Variants in TPD52 observed in about 807,000 individuals in gnomAD.
TPD52 encodes prostate and colon associated protein.
Under a neutral mutation model 31.3 loss-of-function variants are expected in TPD52, and 17 were observed. The ratio of observed to expected loss-of-function variants is 0.54; its 90% confidence interval spans 0.37 to 0.82. The LOEUF (loss-of-function observed/expected upper bound fraction) is 0.82, where lower values mean the gene tolerates loss of function less well. TPD52 is among the 40% of genes least tolerant of loss of function. TPD52 has a pLI of 0.00. For missense variants in TPD52, 212 were observed against 240.1 expected (o/e 0.88, Z 0.77); for synonymous variants, 83 against 89.6 (o/e 0.93, Z 0.42).
rs1036547783 is a variant in TPD52, at chr8:80,051,771, T to C, written c.285-143A>G. ...TTTTCAGAACTTCTAAAATCCTTCA[T>C]AACCAGCAGAGCGGCATCACCACAT... On this transcript the variant is annotated intron_variant, in intron 3 of 7. Coordinates refer to ENST00000518937, the MANE Select transcript of TPD52 (RefSeq NM_001025253.3). 5 of 649,280 alleles carry C rather than the reference T, an allele frequency of 7.7e-6. No homozygotes were observed. In the South Asian group the frequency reaches 1.1e-4, roughly 14 times the overall value. 40.2% of individuals were successfully genotyped at this position (649,280 alleles called of 1,614,324 possible).
intron 1 of TPD52, among the ~76,000 whole-genome samples, chr8:80,160,836 G>A: frequency 7.0e-6 from 1 of 142,694 alleles, no homozygotes; most frequent in Non-Finnish European, 1.5e-5. Flanking sequence ...CTGAGCTCAG[G>A]AGTTCGAGAC....
At chr8:80,114,112 G>A (rs759996226) in intron 1 of TPD52, among the ~76,000 whole-genome samples, 4 of 152,136 alleles carry the variant, frequency 2.6e-5, no homozygotes, top group African/African-American at 4.8e-5. Context: ...GGGTGTGGCA[G>A]TATATACCTG....
rs552311777 is a variant in TPD52, at chr8:80,162,094, T to C, written c.19+9331A>G. Among the ~76,000 whole-genome samples the C allele has an allele frequency of 2.4e-4, 37 of 152,214 alleles. 1 individual carries two copies. The highest frequency in any genetic ancestry group is 6.8e-3 in the Middle Eastern group (2 of 294). ...GTAACATAAAACACACTCACCATGA[T>C]TATGAGCCAAGGCATGTAAATTAAT... On this transcript the variant is annotated intron_variant, in intron 1 of 7. Transcript: ENST00000518937.
intron 1 of TPD52, among the ~76,000 whole-genome samples, chr8:80,167,618 A>C (rs2131284439): frequency 6.6e-6 from 1 of 152,364 alleles, no homozygotes; most frequent in South Asian, 2.1e-4. Flanking sequence ...TAGACCCTCA[A>C]AATTATTATC....
At chr8:80,111,075 C>A (rs983554319) in intron 1 of TPD52, among the ~76,000 whole-genome samples, 2 of 152,012 alleles carry the variant, frequency 1.3e-5, no homozygotes, top group Non-Finnish European at 2.9e-5. Flanking sequence ...AGCAGGGCAT[C>A]GTGATGTGCA....
chr8:80,153,553 T>C (rs1810728833), intron 1 of TPD52, among the ~76,000 whole-genome samples: 1 of 152,248 alleles, frequency 6.6e-6, no homozygotes. Context: ...CATAACATTC[T>C]ACTAGAGGTT....
At chr8:80,038,780 C>A (rs961109458) in intron 7 of TPD52, among the ~76,000 whole-genome samples, 4 of 152,144 alleles carry the variant, frequency 2.6e-5, no homozygotes, top group Admixed American at 6.5e-5. Context: ...TCCTTTCTAC[C>A]CCACCCAACT....
chr8:80,052,656 C>T (rs889393835), intron 3 of TPD52: 12 of 1,289,046 alleles, frequency 9.3e-6, no homozygotes, highest in Non-Finnish European at 1.2e-5. Flanking sequence ...TCGGTTTCTG[C>T]TGCTAGAAGC....
At chr8:80,065,307 A>C (rs112997046) in intron 1 of TPD52, among the ~76,000 whole-genome samples, 306 of 147,808 alleles carry the variant, frequency 2.1e-3, no homozygotes, top group African/African-American at 6.1e-3. Flanking sequence ...ATCTATCTAT[A>C]TATATATATA....
chr8:80,117,042 A>G (rs1411248718), intron 1 of TPD52, among the ~76,000 whole-genome samples: 1 of 152,220 alleles, frequency 6.6e-6, no homozygotes, highest in Non-Finnish European at 1.5e-5. Context: ...ACCGCAGCTA[A>G]CATCTTAGTT....
At chr8:80,109,978 A>C (rs963992793) in intron 1 of TPD52, among the ~76,000 whole-genome samples, 7 of 152,074 alleles carry the variant, frequency 4.6e-5, no homozygotes, top group Admixed American at 6.6e-5. Flanking sequence ...TCAGAGGACA[A>C]CCCTCATGCC....
chr8:80,077,620 T>A (rs1814738323), intron 1 of TPD52, among the ~76,000 whole-genome samples: 1 of 152,248 alleles, frequency 6.6e-6, no homozygotes, highest in African/African-American at 2.4e-5. Context: ...AATTAAGAGA[T>A]GAGTGCTAGT....
intron 1 of TPD52, among the ~76,000 whole-genome samples, chr8:80,076,755 A>G (rs1368337975): frequency 6.6e-6 from 1 of 152,004 alleles, no homozygotes; most frequent in Non-Finnish European, 1.5e-5. Flanking sequence ...GCTCACTGCA[A>G]TCCCCTCCTG....
intron 1 of TPD52, among the ~76,000 whole-genome samples, chr8:80,121,446 C>A (rs1031680796): frequency 6.6e-6 from 1 of 152,142 alleles, no homozygotes; most frequent in Non-Finnish European, 1.5e-5. Flanking sequence ...GTTTTTATAA[C>A]GAGCTCTCAG....
At chr8:80,090,983 C>G (rs1816210559) in intron 1 of TPD52, among the ~76,000 whole-genome samples, 1 of 152,068 alleles carries the variant, frequency 6.6e-6, no homozygotes, top group Non-Finnish European at 1.5e-5. Context: ...GGTTTTTGTT[C>G]TTCACACAGT....
chr8:80,149,103 G>C (rs1184759341), intron 1 of TPD52, among the ~76,000 whole-genome samples: 1 of 152,108 alleles, frequency 6.6e-6, no homozygotes, highest in Non-Finnish European at 1.5e-5. Flanking sequence ...CCACTACATA[G>C]GTGATATAGT....
rs185237685 is a variant in TPD52, at chr8:80,135,372, A to C, written c.19+36053T>G. Among the ~76,000 whole-genome samples, 570 of 152,170 alleles carry C rather than the reference A, an allele frequency of 3.7e-3. 2 individuals are homozygous for C. The highest frequency in any genetic ancestry group is 0.012 in the African/African-American group (510 of 41,520). On this transcript the variant is annotated intron_variant, in intron 1 of 7. Coordinates refer to ENST00000518937, the MANE Select transcript of TPD52 (RefSeq NM_001025253.3). ...GCTCACTTCCCCAGCCAACCTCAAC[A>C]AAGTTTTATCTCGGTGAACTACCTG... is the stretch of plus-strand genomic sequence containing the variant.
intron 1 of TPD52, among the ~76,000 whole-genome samples, chr8:80,086,022 G>A (rs1815724913): frequency 1.3e-5 from 2 of 150,866 alleles, no homozygotes; most frequent in African/African-American, 4.9e-5. Flanking sequence ...TGCAGAACCT[G>A]AATCGAATCA....
chr8:80,126,479 AT>A (rs752947491), intron 1 of TPD52, among the ~76,000 whole-genome samples: 2,126 of 126,442 alleles, frequency 0.017, 12 homozygotes, highest in Non-Finnish European at 0.023. Context: ...AAAGTTTATA[AT>A]TTTTTTTTTT....
Sources: gnomAD v4.1 joint callset for allele counts (sites outside exome capture counted in the v4.1 genomes callset) on GRCh38, gnomAD v4.1.1 for gene constraint, MANE v1.5 for transcripts, NCBI Gene and HGNC (gene_info 2026-07-23, HGNC 2026-07-21) for gene names.